ANKDD1A: variants seen among roughly 807,000 people sequenced by gnomAD.
The protein encoded by ANKDD1A is ankyrin repeat and death domain containing 1A, also known as ankyrin repeat and death domain-containing protein 1A.
A neutral mutation model predicts 63.5 loss-of-function variants in ANKDD1A; 59 were observed. That is an observed-to-expected ratio of 0.93 (90% CI 0.75 to 1.15). The LOEUF (loss-of-function observed/expected upper bound fraction) is 1.15, where lower values mean the gene tolerates loss of function less well. ANKDD1A is among the 50% of genes most tolerant of loss of function. ANKDD1A has a pLI of 0.00. For synonymous variants in ANKDD1A, 266 were observed against 263.9 expected, an observed-to-expected ratio of 1.01 and a Z score of -0.08; for missense variants, 632 against 656.4, an observed-to-expected ratio of 0.96 and a Z score of 0.41.
At chr15:64,953,069 CCTT>C (rs1445733931) in intron 14 of ANKDD1A, among the ~76,000 whole-genome samples, 28 of 138,000 alleles carry the variant, frequency 2.0e-4, no homozygotes, top group Non-Finnish European at 1.1e-4. Context: ...CTTCCTCTTT[CCTT>C]CTTTCTTCTT....
chr15:64,951,935 TTCTTTTC>T (rs1327444106), intron 14 of ANKDD1A, among the ~76,000 whole-genome samples: 2 of 58,548 alleles, frequency 3.4e-5, no homozygotes, highest in African/African-American at 6.2e-5. Flanking sequence ...TCTTCTTCCT[TTCTTTTC>T]TTCTTCTTCT....
At chr15:64,951,965 TTC>T (rs750445697) in intron 14 of ANKDD1A, among the ~76,000 whole-genome samples, 25 of 147,180 alleles carry the variant, frequency 1.7e-4, no homozygotes, top group Middle Eastern at 3.5e-3. Context: ...CCTTCTGCTC[TTC>T]TTTCTTCTTC....
At chr15:64,933,737 G>A (rs999685743) in intron 8 of ANKDD1A, among the ~76,000 whole-genome samples, 7 of 152,242 alleles carry the variant, frequency 4.6e-5, no homozygotes, top group African/African-American at 1.7e-4. Flanking sequence ...AGCTACTCGG[G>A]AGGCTGAGGC....
intron 14 of ANKDD1A, among the ~76,000 whole-genome samples, chr15:64,951,691 C>CT (rs1218099535): frequency 4.3e-5 from 5 of 117,592 alleles, no homozygotes; most frequent in Admixed American, 9.0e-5. Flanking sequence ...TTTCTTCTTC[C>CT]TCTTCTTCTT....
chr15:64,942,436 G>GGTC, intron 9 of ANKDD1A, 31 bp from the exon 10 acceptor site: 4 of 1,552,836 alleles, frequency 2.6e-6, no homozygotes, highest in Non-Finnish European at 3.5e-6. Context: ...GGGAGGGACT[G>GGTC]GTCGATTGAT....
intron 14 of ANKDD1A, among the ~76,000 whole-genome samples, chr15:64,954,350 CTTCTCT>C (rs1480484939): frequency 2.6e-5 from 1 of 38,108 alleles, no homozygotes; most frequent in Non-Finnish European, 5.9e-5. Context: ...TCCTCTCCTT[CTTCTCT>C]TCTTCTCCTT....
chr15:64,918,886 G>A (rs377712010), intron 3 of ANKDD1A, among the ~76,000 whole-genome samples: 18 of 152,196 alleles, frequency 1.2e-4, no homozygotes, highest in Non-Finnish European at 2.5e-4. Flanking sequence ...CCTGGGAGAC[G>A]GAGGTTGCCA....
intron 13 of ANKDD1A, 79 bp from the exon 14 acceptor site, chr15:64,949,762 G>A: frequency 6.4e-7 from 1 of 1,564,658 alleles, no homozygotes. Flanking sequence ...GGCGGTGCAG[G>A]GTGGCATAGA....
At chr15:64,956,689 G>T (rs989086981) in intron 14 of ANKDD1A, among the ~76,000 whole-genome samples, 1 of 152,162 alleles carries the variant, frequency 6.6e-6, no homozygotes, top group Non-Finnish European at 1.5e-5. Context: ...CGGAGTAGCT[G>T]GGATTACAAG....
Position 64,934,155 on chromosome 15 carries a change from A to G in ANKDD1A, c.788A>G (p.His263Arg), listed in dbSNP as rs777469166. ...ALTQKNLSCLHYAALSGSEDV... is the reference protein window; with the variant it reads ...ALTQKNLSCLRYAALSGSEDV... ...TTCTAGAAAAACCTAAGCTGCCTTC[A>G]CTATGCAGCCCTCAGTGGCTCGGAG... is the stretch of plus-strand genomic sequence containing the variant. The change falls in exon 9 of 15, where the codon CAC (histidine) becomes CGC (arginine). Residue 263 changes from histidine (H) to arginine (R), a missense_variant. By Grantham distance (29) the His-to-Arg change is conservative. Transcript: ENST00000319580. The G allele has an allele frequency of 6.2e-7, 1 of 1,610,256 alleles. No homozygotes were observed. Among genetic ancestry groups the G allele is most frequent in the African/African-American group, 1.3e-5 (1 of 74,870 alleles).
intron 8 of ANKDD1A, chr15:64,932,810 C>G (rs983724599): frequency 1.5e-4 from 23 of 152,038 alleles, no homozygotes; most frequent in African/African-American, 5.6e-4. Flanking sequence ...GTAGGCTGGG[C>G]AAGGTGGCTC....
At chr15:64,915,750 T>C (rs1408640418) in intron 1 of ANKDD1A, 47 bp from the exon 2 acceptor site, 1 of 1,533,122 alleles carries the variant, frequency 6.5e-7, no homozygotes, top group Non-Finnish European at 9.0e-7. Context: ...CTGTCTGCAG[T>C]GTGGGGCATC....
At chr15:64,949,796 C>T (rs767855564) in intron 13 of ANKDD1A, 45 bp from the exon 14 acceptor site, 2 of 1,591,912 alleles carry the variant, frequency 1.3e-6, no homozygotes, top group Non-Finnish European at 1.7e-6. Flanking sequence ...CAAGTGGCCC[C>T]ATTGGCTCCT....
At position 64,954,353 on chromosome 15, in the gene ANKDD1A, C is replaced by CTTCCTTTTCTTCTTT; in HGVS notation, c.1484-2749_1484-2748insTCCTTTTCTTCTTTT. On this transcript the variant is annotated intron_variant, in intron 14 of 14. Transcript: ENST00000319580. The stretch of plus-strand genomic sequence containing the variant: ...CCTTCTTCTTCCTCCTCTCCTTCTT[C>CTTCCTTTTCTTCTTT]TCTTCTTCTCCTTCTTCTTCCTTTT... Among the ~76,000 whole-genome samples the CTTCCTTTTCTTCTTT allele has an allele frequency of 1.4e-5, 2 of 145,206 alleles. 1 individual carries two copies. Among genetic ancestry groups the CTTCCTTTTCTTCTTT allele is most frequent in the East Asian group, 4.2e-4 (2 of 4,810 alleles).
rs990883224 is a variant in ANKDD1A at position 64,944,671 on chromosome 15, C to T, written c.1085C>T (p.Ala362Val). The T allele has an allele frequency of 6.2e-7, 1 of 1,614,056 alleles. No individual in the cohort carries two copies. The change falls in exon 12 of 15, where the codon GCA becomes GTA. Residue 362 changes from alanine to valine, a missense_variant. Coordinates refer to ENST00000319580, the MANE Select transcript of ANKDD1A (RefSeq NM_182703.6). Reference sequence around the variant, plus strand: ...TTGCAGCAGGGAAAAACCGCCCTGGCAGTGGCCGTCCGCAGCAACCATGTC... The same window carrying T: ...TTGCAGCAGGGAAAAACCGCCCTGGTAGTGGCCGTCCGCAGCAACCATGTC... ...LRDKQGKTAL[A>V]VAVRSNHVSL...
At chr15:64,957,010 T>C (rs950084959) in intron 14 of ANKDD1A, 93 bp from the exon 15 acceptor site, 9 of 429,126 alleles carry the variant, frequency 2.1e-5, no homozygotes, top group African/African-American at 4.2e-5. Flanking sequence ...GCGAGCTAAA[T>C]GTATGCTCTT....
intron 2 of ANKDD1A, among the ~76,000 whole-genome samples, chr15:64,916,404 A>G (rs1032401470): frequency 6.7e-6 from 1 of 150,280 alleles, no homozygotes; most frequent in African/African-American, 2.5e-5. Flanking sequence ...AGCTCACTGT[A>G]GCCTTGACCT....
rs1438460602 is a variant in ANKDD1A at position 64,931,579 on chromosome 15, C to T, written c.762C>T (p.Leu254=). ...LLRAGSTVNA[L]TQKNLSCLHY... ...GGGCTGGGAGCACCGTGAATGCCCT[C>T]ACCCAGGTAGCCAGGCCCTCCCAAG... is the stretch of plus-strand genomic sequence containing the variant. The change falls in exon 8 of 15, where the codon CTC becomes CTT. Residue 254 remains leucine (L), a synonymous_variant. Coordinates refer to ENST00000319580, the MANE Select transcript of ANKDD1A (RefSeq NM_182703.6). 1.9e-6 allele frequency: 3 copies of T among 1,613,928 alleles called. No homozygotes were observed. The highest frequency in any genetic ancestry group is 1.1e-5 in the South Asian group (1 of 91,086).
chr15:64,915,729 G>C, intron 1 of ANKDD1A, 68 bp from the exon 2 acceptor site: 1 of 1,391,682 alleles, frequency 7.2e-7, no homozygotes, highest in Non-Finnish European at 1.0e-6. Flanking sequence ...GAAATGGGTT[G>C]TTTACCTCTC....
Sources: allele counts gnomAD v4.1 joint callset (sites outside exome capture counted in the v4.1 genomes callset), GRCh38; gene constraint gnomAD v4.1.1; transcripts MANE v1.5; gene names NCBI Gene and HGNC (gene_info 2026-07-23, HGNC 2026-07-21).